The following THSD4 variants were observed in gnomAD, a reference collection of about 807,000 sequenced individuals.
THSD4 encodes thrombospondin type-1 domain-containing protein 4.
A neutral mutation model predicts 119.0 loss-of-function variants in THSD4; 69 were observed. The observed-to-expected ratio is 0.58, with a 90% CI of 0.48 to 0.71. The LOEUF (loss-of-function observed/expected upper bound fraction) is 0.71, where lower values mean the gene tolerates loss of function less well. THSD4 is among the 30% of genes least tolerant of loss of function. The pLI is 0.00. For missense variants in THSD4, 1,393 were observed against 1,391.1 expected (o/e 1.00, Z -0.02); for synonymous variants, 524 against 540.4 (o/e 0.97, Z 0.42).
chr15:71,209,525 G>T (rs144527654), intron 3 of THSD4, among the ~76,000 whole-genome samples: 7 of 152,280 alleles, frequency 4.6e-5, no homozygotes, highest in Non-Finnish European at 1.0e-4. Flanking sequence ...CCTTCCCTCA[G>T]TGGCAGACCT....
intron 4 of THSD4, among the ~76,000 whole-genome samples, chr15:71,218,616 C>CTG (rs1219062166): frequency 1.3e-5 from 2 of 152,180 alleles, no homozygotes; most frequent in African/African-American, 2.4e-5. Flanking sequence ...CCTAGGAGGC[C>CTG]TGTGCTGCCT....
chr15:71,615,382 C>T (rs2050303230), intron 7 of THSD4, among the ~76,000 whole-genome samples: 2 of 152,048 alleles, frequency 1.3e-5, no homozygotes, highest in African/African-American at 2.4e-5. Context: ...AAGCAAAAAC[C>T]TGTAAATTCA....
chr15:71,482,096 T>G lies in THSD4; in HGVS notation c.1152+70273T>G, dbSNP rs537392201. On this transcript the variant is annotated intron_variant, in intron 7 of 17. Coordinates refer to ENST00000261862, the MANE Select transcript of THSD4 (RefSeq NM_024817.3). ...GGTTTCAAGTAACAGTAACAACTTATAGCAGCTTAAACCAAGAGGGATTTA... is the reference window on the plus strand; with the variant it reads ...GGTTTCAAGTAACAGTAACAACTTAGAGCAGCTTAAACCAAGAGGGATTTA... Among the ~76,000 whole-genome samples, 297 of 152,296 alleles carry G rather than the reference T, an allele frequency of 2.0e-3. 16 individuals carry two copies. The South Asian group carries it at 0.06, about 31-fold the overall frequency.
chr15:71,150,551 G>A (rs1163751638), intron 2 of THSD4, among the ~76,000 whole-genome samples: 2 of 152,242 alleles, frequency 1.3e-5, no homozygotes, highest in African/African-American at 4.8e-5. Flanking sequence ...GTTTACTCCA[G>A]AATGAATTTT....
rs142282418 is a variant in THSD4, at chr15:71,455,639, A to G, written c.1152+43816A>G. ...ATAAAATGCTGTTCTCTGTAGCATG[A>G]CACCAGGCCTAGTGTGAAAGTGAAT... On this transcript the variant is annotated intron_variant, in intron 7 of 17. Coordinates refer to ENST00000261862, the MANE Select transcript of THSD4 (RefSeq NM_024817.3). Among the ~76,000 whole-genome samples, 136 of 152,288 alleles carry G rather than the reference A, an allele frequency of 8.9e-4. 1 individual carries two copies. The highest frequency in any genetic ancestry group is 2.7e-3 in the African/African-American group (113 of 41,558).
At chr15:71,113,265 A>G (rs1471123194), upstream of THSD4, among the ~76,000 whole-genome samples, 2 of 152,204 alleles carry the variant, frequency 1.3e-5, no homozygotes, top group Non-Finnish European at 2.9e-5. Context: ...TAAGCAAAAT[A>G]TGGTCAAAAC....
intron 7 of THSD4, among the ~76,000 whole-genome samples, chr15:71,487,154 C>A (rs933004884): frequency 8.5e-5 from 13 of 152,224 alleles, no homozygotes; most frequent in Non-Finnish European, 8.8e-5. Context: ...TCTGACCTTG[C>A]ATTTCCTCGT....
chr15:71,561,264 G>T lies in THSD4; in HGVS notation c.1153-99266G>T, dbSNP rs374137279. 1.7e-3 allele frequency among the ~76,000 whole-genome samples: 253 copies of T among 152,234 alleles called. 15 individuals carry two copies. The South Asian group carries it at 0.052, about 31-fold the overall frequency. ...GCTGGGATTACAGGCGTGAGCCACC[G>T]CACTCGGCTCTCTTTATCTTTAAAA... On this transcript the variant is annotated intron_variant, in intron 7 of 17. Coordinates refer to ENST00000261862, the MANE Select transcript of THSD4 (RefSeq NM_024817.3).
At chr15:71,689,317 G>T (rs2051993959) in intron 8 of THSD4, among the ~76,000 whole-genome samples, 1 of 152,158 alleles carries the variant, frequency 6.6e-6, no homozygotes, top group Non-Finnish European at 1.5e-5. Context: ...AGGGGCAGGG[G>T]AGAGAGTCCC....
At chr15:71,618,119 T>C (rs1390452043) in intron 7 of THSD4, among the ~76,000 whole-genome samples, 5 of 152,224 alleles carry the variant, frequency 3.3e-5, no homozygotes, top group African/African-American at 1.2e-4. Context: ...AGTGGTCTTC[T>C]GAAGAAAAGT....
intron 7 of THSD4, among the ~76,000 whole-genome samples, chr15:71,540,926 T>G (rs2048751457): frequency 1.3e-5 from 2 of 152,058 alleles, no homozygotes; most frequent in African/African-American, 4.8e-5. Flanking sequence ...TTTCACCATG[T>G]TGGCCAGGCT....
chr15:71,642,513 T>C (rs1245002106), intron 7 of THSD4, among the ~76,000 whole-genome samples: 2 of 152,132 alleles, frequency 1.3e-5, no homozygotes, highest in East Asian at 1.9e-4. Context: ...ATGTTTATTG[T>C]GGCTCTATTC....
Position 71,459,388 on chromosome 15 carries a change from C to CTCTG in THSD4, c.1152+47568_1152+47569insGTCT, listed in dbSNP as rs1566991586. Among the ~76,000 whole-genome samples, 186 of 121,888 alleles carry CTCTG rather than the reference C, an allele frequency of 1.5e-3. 1 individual carries two copies. The highest frequency in any genetic ancestry group is 4.6e-3 in the African/African-American group (164 of 35,724). 80.0% of individuals were successfully genotyped at this position (121,888 alleles called of 152,430 possible). On this transcript the variant is annotated intron_variant, in intron 7 of 17. Coordinates refer to ENST00000261862, the MANE Select transcript of THSD4 (RefSeq NM_024817.3). The stretch of plus-strand genomic sequence containing the variant: ...TGTCTCTCTGTCTCTCTGTCTCTCT[C>CTCTG]TCTCTCTCTCTCTCTCTGTCTCTCT...
chr15:71,102,831 G>T (rs1039307878), intron 1 of THSD4, among the ~76,000 whole-genome samples: 2 of 152,162 alleles, frequency 1.3e-5, no homozygotes, highest in Non-Finnish European at 2.9e-5. Context: ...CTCCCAAAGT[G>T]CTGGGATTAC....
chr15:71,552,187 T>C (rs2048942251), intron 7 of THSD4, among the ~76,000 whole-genome samples: 1 of 152,188 alleles, frequency 6.6e-6, no homozygotes, highest in Non-Finnish European at 1.5e-5. Context: ...GCGGGAAATT[T>C]GTCAGTCAGC....
At chr15:71,622,002 G>C (rs1443121839) in intron 7 of THSD4, among the ~76,000 whole-genome samples, 1 of 152,158 alleles carries the variant, frequency 6.6e-6, no homozygotes, top group Non-Finnish European at 1.5e-5. Context: ...GAATCGAAGT[G>C]ATTTTGAACC....
At chr15:71,106,964 C>T (rs188046236) in intron 1 of THSD4, among the ~76,000 whole-genome samples, 3 of 152,320 alleles carry the variant, frequency 2.0e-5, no homozygotes, top group Admixed American at 6.5e-5. Flanking sequence ...AGTGAAATCT[C>T]GTCCCTGAAG....
intron 16 of THSD4, chr15:71,767,021 T>A (rs1326738196): frequency 6.6e-6 from 1 of 152,152 alleles, no homozygotes; most frequent in Non-Finnish European, 1.5e-5. Context: ...GCATGGGAAT[T>A]TTTTGTCTGC....
At chr15:71,300,738 A>G (rs2140337149) in intron 6 of THSD4, among the ~76,000 whole-genome samples, 1 of 152,342 alleles carries the variant, frequency 6.6e-6, no homozygotes, top group Middle Eastern at 3.4e-3. Context: ...AATGTCTGGC[A>G]GGAGAACACT....
Sources: gnomAD v4.1 joint callset for allele counts (sites outside exome capture counted in the v4.1 genomes callset) on GRCh38, gnomAD v4.1.1 for gene constraint, MANE v1.5 for transcripts, NCBI Gene and HGNC (gene_info 2026-07-23, HGNC 2026-07-21) for gene names.